The following NUDCD3 variants were observed in gnomAD, a reference collection of about 807,000 sequenced individuals.
The protein encoded by NUDCD3 is NudC domain containing 3, also known as nudC domain-containing protein 3.
A neutral mutation model predicts 39.7 loss-of-function variants in NUDCD3; 13 were observed. The ratio of observed to expected loss-of-function variants is 0.33; its 90% CI spans 0.21 to 0.52. NUDCD3 has a LOEUF of 0.52. Ranked by LOEUF, NUDCD3 falls within the 20% of genes least tolerant of loss-of-function variation. The pLI, the probability that NUDCD3 is intolerant of heterozygous loss-of-function variation, is 0.96. For synonymous variants in NUDCD3, 175 were observed against 172.4 expected (o/e 1.02, Z -0.12); for missense variants, 453 against 458.1 (o/e 0.99, Z 0.10).
intron 3 of NUDCD3, among the ~76,000 whole-genome samples, chr7:44,424,501 AAAG>A (rs1799197957): frequency 6.6e-6 from 1 of 152,264 alleles, no homozygotes; most frequent in Non-Finnish European, 1.5e-5. Context: ...ACACTTCTCA[AAAG>A]AAGACATTTA....
At chr7:44,450,207 T>G (rs1585087129) in intron 2 of NUDCD3, among the ~76,000 whole-genome samples, 1 of 151,390 alleles carries the variant, frequency 6.6e-6, no homozygotes, top group Admixed American at 6.6e-5. Flanking sequence ...ACACAGAGTC[T>G]CGCTTTATCG....
chr7:44,468,193 C>T (rs368426615), intron 2 of NUDCD3: 8 of 1,600,646 alleles, frequency 5.0e-6, no homozygotes, highest in East Asian at 4.5e-5. Context: ...GTGCCGAGAT[C>T]GCTCACAATG....
chr7:44,489,406 G>T (rs1800685403), intron 1 of NUDCD3, among the ~76,000 whole-genome samples: 1 of 152,172 alleles, frequency 6.6e-6, no homozygotes, highest in South Asian at 2.1e-4. Flanking sequence ...CAAAGCTTTG[G>T]CTTCTGCTGA....
At chr7:44,395,087 T>G (rs965315551) in intron 4 of NUDCD3, among the ~76,000 whole-genome samples, 1 of 152,258 alleles carries the variant, frequency 6.6e-6, no homozygotes, top group Non-Finnish European at 1.5e-5. Flanking sequence ...TGTTCAGATT[T>G]CATAATATTT....
intron 2 of NUDCD3, among the ~76,000 whole-genome samples, chr7:44,474,189 A>G (rs1800315473): frequency 6.6e-6 from 1 of 152,140 alleles, no homozygotes; most frequent in South Asian, 2.1e-4. Context: ...CATCAAAAAA[A>G]AAAAAAACCA....
rs1246793260 is a variant in NUDCD3 at position 44,396,839 on chromosome 7, C to G, written c.787-4354G>C. 2.0e-5 allele frequency among the ~76,000 whole-genome samples: 3 copies of G among 152,208 alleles called. No individual in the cohort carries two copies. The East Asian group carries it at 5.8e-4, about 29-fold the overall frequency. The stretch of plus-strand genomic sequence containing the variant: ...CAGGGCTGTCTTCCGACACCCAGTG[C>G]AAGATGCAGTTCTGGGAGGACATGG... On this transcript the variant is annotated intron_variant, in intron 4 of 5. Coordinates refer to ENST00000355451, the MANE Select transcript of NUDCD3 (RefSeq NM_015332.4).
In NUDCD3 at chr7:44,384,514, C is replaced by T. The variant is rs1480375753; in HGVS notation, c.*1497G>A. 1 of 152,158 alleles carries T rather than the reference C, an allele frequency of 6.6e-6. No homozygotes were observed. Among genetic ancestry groups the T allele is most frequent in the African/African-American group, 2.4e-5 (1 of 41,426 alleles). 9.4% of individuals were successfully genotyped at this position (152,158 alleles called of 1,614,324 possible). A position where few individuals can be genotyped will look rare whatever the true frequency, so the allele number is the denominator to read the frequency against. ...ATGTTTGGACCCACAGAAGACTTCC[C>T]AGGAATGCTTTCTTACAAGGGGTGT... On this transcript the variant is annotated 3_prime_UTR_variant, in exon 6 of 6. Transcript: ENST00000355451.
chr7:44,437,069 C>CTTTTTTTTTTTTTTTTTT (rs35904938), intron 2 of NUDCD3, among the ~76,000 whole-genome samples: 11 of 117,290 alleles, frequency 9.4e-5, no homozygotes, highest in South Asian at 2.7e-4. Context: ...CTTTTCTTTT[C>CTTTTTTTTTTTTTTTTTT]TTTTTTTTTT....
intron 2 of NUDCD3, among the ~76,000 whole-genome samples, chr7:44,438,381 T>A (rs539973336): frequency 6.6e-6 from 1 of 152,300 alleles, no homozygotes; most frequent in East Asian, 1.9e-4. Context: ...ACCTATAGTA[T>A]CAAAAAAGAT....
Position 44,485,239 on chromosome 7 carries a change from T to C in NUDCD3, c.238A>G (p.Arg80Gly). 4.3e-6 allele frequency: 7 copies of C among 1,614,096 alleles called. No individual in the cohort carries two copies. The highest frequency in any genetic ancestry group is 5.9e-6 in the Non-Finnish European group (7 of 1,179,966). The change falls in exon 2 of 6, where the codon AGA becomes GGA. Residue 80 changes from arginine (R) to glycine (G), a missense_variant. Arg to Gly is a moderately radical substitution (Grantham distance 125). Transcript: ENST00000355451. ...ATTTTCTCTTCAAGTTCCTGCCTTC[T>C]CTTCTCATCATCCTGACGGGCCATG... Reference protein sequence around the residue: ...DHMARQDDEKRRQELEEKIRR... With the variant: ...DHMARQDDEKGRQELEEKIRR...
chr7:44,406,916 G>A (rs1338895531), intron 3 of NUDCD3, among the ~76,000 whole-genome samples: 1 of 152,164 alleles, frequency 6.6e-6, no homozygotes, highest in East Asian at 1.9e-4. Context: ...TTGGGAGTCG[G>A]CAGGTATGCA....
In NUDCD3 at chr7:44,404,478, T is replaced by A. The variant is rs762486546; in HGVS notation, c.748A>T (p.Ser250Cys). The A allele has an allele frequency of 6.2e-7, 1 of 1,614,110 alleles. No individual in the cohort carries two copies. Among genetic ancestry groups the A allele is most frequent in the Admixed American group, 1.7e-5 (1 of 60,018 alleles). ...GKLTHKINTE[S>C]SLWSLEPGKC... ...CCGGGCTCGAGACTCCAGAGAGAAC[T>A]CTCAGTGTTGATCTTGTGGGTGAGC... Residue 250 changes from serine (S) to cysteine (C), a missense_variant, in exon 4 of 6, where the codon AGT (serine) becomes TGT (cysteine). Coordinates refer to ENST00000355451, the MANE Select transcript of NUDCD3 (RefSeq NM_015332.4).
chr7:44,423,980 A>T (rs907589361), intron 3 of NUDCD3, among the ~76,000 whole-genome samples: 1 of 152,182 alleles, frequency 6.6e-6, no homozygotes, highest in Non-Finnish European at 1.5e-5. Flanking sequence ...AGGCCTCAGA[A>T]ATACCACCAC....
chr7:44,396,887 T>A (rs1011087242), intron 4 of NUDCD3, among the ~76,000 whole-genome samples: 13 of 152,122 alleles, frequency 8.5e-5, no homozygotes, highest in Admixed American at 1.3e-4. Context: ...TAGGATGGAG[T>A]TCAAAGACCT....
At chr7:44,467,019 T>C (rs769017901) in intron 2 of NUDCD3, among the ~76,000 whole-genome samples, 22 of 152,216 alleles carry the variant, frequency 1.4e-4, no homozygotes, top group Non-Finnish European at 2.4e-4. Flanking sequence ...GCAGTGAAGA[T>C]TGAGGGGCAC....
chr7:44,439,689 G>C (rs1799539202), intron 2 of NUDCD3, among the ~76,000 whole-genome samples: 1 of 151,822 alleles, frequency 6.6e-6, no homozygotes, highest in South Asian at 2.1e-4. Flanking sequence ...ACAGTGTGGG[G>C]GGCAAAATAA....
At chr7:44,468,109 C>T (rs375266684) in intron 2 of NUDCD3, 435 of 1,609,084 alleles carry the variant, frequency 2.7e-4, no homozygotes, top group Non-Finnish European at 3.6e-4. Context: ...ACATGCTGCC[C>T]AGTGGCTTCC....
At chr7:44,396,513 C>A (rs1798627819) in intron 4 of NUDCD3, among the ~76,000 whole-genome samples, 1 of 152,166 alleles carries the variant, frequency 6.6e-6, no homozygotes, top group Non-Finnish European at 1.5e-5. Context: ...TCCCTCTCCA[C>A]ACTGTTCCTT....
chr7:44,456,466 G>A (rs1292803735), intron 2 of NUDCD3, among the ~76,000 whole-genome samples: 1 of 152,124 alleles, frequency 6.6e-6, no homozygotes, highest in Non-Finnish European at 1.5e-5. Flanking sequence ...CACTCGACTT[G>A]TCATATCAAA....
Sources: allele counts gnomAD v4.1 joint callset (sites outside exome capture counted in the v4.1 genomes callset), GRCh38; gene constraint gnomAD v4.1.1; transcripts MANE v1.5; gene names NCBI Gene and HGNC (gene_info 2026-07-23, HGNC 2026-07-21).